The following TUFT1 variants were observed in gnomAD, a reference collection of about 807,000 sequenced individuals.
TUFT1 encodes the protein tuftelin.
TUFT1 carries 43 observed loss-of-function variants against 57.8 expected under a neutral mutation model. The observed-to-expected ratio is 0.74, with a 90% CI of 0.58 to 0.96. The LOEUF (loss-of-function observed/expected upper bound fraction) is 0.96. Among genes scored for constraint, TUFT1 ranks in the 40% least tolerant of loss-of-function variants. TUFT1 has a pLI of 0.00. For synonymous variants in TUFT1, 166 were observed against 176.7 expected, an observed-to-expected ratio of 0.94 and a Z score of 0.48; for missense variants, 459 against 489.0, an observed-to-expected ratio of 0.94 and a Z score of 0.58.
chr1:151,554,608 C>T (rs559348703), intron 1 of TUFT1, among the ~76,000 whole-genome samples: 5 of 150,476 alleles, frequency 3.3e-5, no homozygotes, highest in Middle Eastern at 3.5e-3. Context: ...ACATGTTGGC[C>T]AGGCTGGTCT....
intron 9 of TUFT1, among the ~76,000 whole-genome samples, chr1:151,576,679 C>G (rs1400196303): frequency 6.6e-6 from 1 of 152,234 alleles, no homozygotes; most frequent in Non-Finnish European, 1.5e-5. Context: ...GTCGCCCAGG[C>G]TGGAGTGCAG....
chr1:151,567,217 T>C (rs1425990382), intron 6 of TUFT1, among the ~76,000 whole-genome samples: 1 of 152,162 alleles, frequency 6.6e-6, no homozygotes, highest in Non-Finnish European at 1.5e-5. Context: ...TAAATTTTTA[T>C]AATTATTATT....
At chr1:151,554,695 C>CTTT (rs771656418) in intron 1 of TUFT1, among the ~76,000 whole-genome samples, 1,402 of 85,618 alleles carry the variant, frequency 0.016, 155 homozygotes, top group Non-Finnish European at 0.022. Context: ...GCCCGGCCCC[C>CTTT]TTTTTTTTTT....
chr1:151,575,476 TG>T (rs879880515), intron 9 of TUFT1, among the ~76,000 whole-genome samples: 1 of 152,114 alleles, frequency 6.6e-6, no homozygotes, highest in Admixed American at 6.5e-5. Context: ...CTTGAAGCAA[TG>T]CAGATAGAAA....
intron 6 of TUFT1, among the ~76,000 whole-genome samples, chr1:151,568,421 G>T (rs1407642425): frequency 6.6e-6 from 1 of 152,082 alleles, no homozygotes; most frequent in Non-Finnish European, 1.5e-5. Flanking sequence ...TTAAAATCTA[G>T]TTCATTGCTT....
rs777104455 is a variant in TUFT1, at chr1:151,566,144, T to C, written c.415-19T>C. On this transcript the variant is annotated intron_variant, in intron 5 of 12. Coordinates refer to ENST00000368849, the MANE Select transcript of TUFT1 (RefSeq NM_020127.3). ...GCTTTCATCTGTTTTAACTACCAAT[T>C]TTATTTTTCTTTGAACAGGTGGTGC... 4.4e-6 allele frequency: 7 copies of C among 1,581,570 alleles called. No homozygotes were observed. Among genetic ancestry groups the C allele is most frequent in the Admixed American group, 3.5e-5 (2 of 57,854 alleles).
At chr1:151,554,324 T>C (rs984425532) in intron 1 of TUFT1, among the ~76,000 whole-genome samples, 2 of 152,234 alleles carry the variant, frequency 1.3e-5, no homozygotes, top group African/African-American at 4.8e-5. Context: ...CTTTATATAT[T>C]CTGGACATCT....
At chr1:151,549,872 C>A (rs933705083) in intron 1 of TUFT1, among the ~76,000 whole-genome samples, 10 of 152,188 alleles carry the variant, frequency 6.6e-5, no homozygotes, top group African/African-American at 1.9e-4. Flanking sequence ...CAGGTGTGCA[C>A]CACCACACCA....
At chr1:151,551,322 A>C (rs1032056501) in intron 1 of TUFT1, among the ~76,000 whole-genome samples, 3 of 151,878 alleles carry the variant, frequency 2.0e-5, no homozygotes, top group Non-Finnish European at 4.4e-5. Flanking sequence ...ATCACCTGGA[A>C]CTCATGCAAC....
chr1:151,571,820 C>T (rs557545350), intron 7 of TUFT1, among the ~76,000 whole-genome samples: 1 of 152,308 alleles, frequency 6.6e-6, no homozygotes, highest in South Asian at 2.1e-4. Context: ...AGTGCCCTGA[C>T]AGCTATAGCC....
chr1:151,562,748 A>G (rs2102537565), intron 3 of TUFT1, 62 bp downstream of exon 3: 3 of 1,420,022 alleles, frequency 2.1e-6, no homozygotes, highest in East Asian at 4.6e-5. Flanking sequence ...GTATATGAGA[A>G]GGAGCAGTTG....
At chr1:151,570,014 G>A (rs897152917) in intron 7 of TUFT1, among the ~76,000 whole-genome samples, 2 of 152,196 alleles carry the variant, frequency 1.3e-5, no homozygotes, top group Non-Finnish European at 2.9e-5. Context: ...TGAGTTTGAG[G>A]GTGGTGCCCA....
intron 5 of TUFT1, chr1:151,565,883 C>T (rs779490822): frequency 4.7e-5 from 15 of 321,128 alleles, no homozygotes; most frequent in Non-Finnish European, 9.0e-5. Context: ...AAGGCCCTTT[C>T]AAGGCCGCAT....
chr1:151,563,857 G>T (rs1665975552), intron 3 of TUFT1, 47 bp from the exon 4 acceptor site: 1 of 1,540,768 alleles, frequency 6.5e-7, no homozygotes, highest in Non-Finnish European at 9.0e-7. Context: ...TTTTTGTATA[G>T]TTAATTTAAT....
At chr1:151,541,225 G>T (rs1374781206) in intron 1 of TUFT1, among the ~76,000 whole-genome samples, 1 of 152,146 alleles carries the variant, frequency 6.6e-6, no homozygotes, top group Non-Finnish European at 1.5e-5. Flanking sequence ...TGACCCAAGC[G>T]AAGGCTTCTG....
At position 151,563,972 on chromosome 1, in the gene TUFT1, G is replaced by A. The variant is rs762304034; in HGVS notation, c.306G>A (p.Glu102=). Residue 102 remains glutamate, a synonymous_variant, in exon 4 of 13, where the codon GAG becomes GAA. Transcript: ENST00000368849. ...AGAATATTAACCAGCTGAAGAGTGAGGTCCAGTACATCCAGGAGGTGGGCA... is the reference window on the plus strand; with the variant it reads ...AGAATATTAACCAGCTGAAGAGTGAAGTCCAGTACATCCAGGAGGTGGGCA... ...HEKNINQLKS[E]VQYIQEARNC... is the part of the protein sequence containing the mutation. 3.6e-5 allele frequency: 58 copies of A among 1,613,982 alleles called. No homozygotes were observed. The highest frequency in any genetic ancestry group is 4.7e-5 in the Non-Finnish European group (55 of 1,180,002).
intron 1 of TUFT1, among the ~76,000 whole-genome samples, chr1:151,560,042 C>G (rs12746522): frequency 6.6e-6 from 1 of 150,582 alleles, no homozygotes; most frequent in Non-Finnish European, 1.5e-5. Flanking sequence ...GTGATCCTCC[C>G]ACCTCGGCCT....
intron 1 of TUFT1, chr1:151,557,652 C>A: frequency 1.0e-6 from 1 of 996,250 alleles, no homozygotes; most frequent in Non-Finnish European, 1.6e-6. Flanking sequence ...TCCACTGGTA[C>A]GTTACCAATG....
Position 151,574,788 on chromosome 1 carries a change from G to A in TUFT1, c.724-123G>A, listed in dbSNP as rs967655059. 55 of 796,922 alleles carry A rather than the reference G, an allele frequency of 6.9e-5. 1 individual carries two copies. Among genetic ancestry groups the A allele is most frequent in the Middle Eastern group, 3.2e-4 (1 of 3,114 alleles). The allele number at this position is 796,922 out of a possible 1,614,324, so 49.4% of individuals were successfully genotyped here. A position where few individuals can be genotyped will look rare whatever the true frequency, so the allele number is the denominator to read the frequency against. ...GCTCCCCATCAAACCAGCTCATCTT[G>A]CTGCTCTTTGGCAGCTGTCCAGGCC... On this transcript the variant is annotated intron_variant, in intron 8 of 12. Transcript: ENST00000368849.
Sources: allele counts gnomAD v4.1 joint callset (sites outside exome capture counted in the v4.1 genomes callset), GRCh38; gene constraint gnomAD v4.1.1; transcripts MANE v1.5; gene names NCBI Gene and HGNC (gene_info 2026-07-23, HGNC 2026-07-21).